Variants in ATG13 observed in about 807,000 individuals in gnomAD.
The protein encoded by ATG13 is autophagy-related protein 13.
ATG13 carries 23 observed loss-of-function variants against 65.5 expected under a neutral mutation model. The ratio of observed to expected loss-of-function variants is 0.35; its 90% confidence interval spans 0.25 to 0.50. The LOEUF is 0.50. Among genes scored for constraint, ATG13 ranks in the 20% least tolerant of loss-of-function variants. The pLI is 0.98. For synonymous variants in ATG13, 252 were observed against 245.2 expected (o/e 1.03, Z -0.26); for missense variants, 566 against 677.0 (o/e 0.84, Z 1.82).
At chr11:46,634,697 G>T (rs1041777920) in intron 2 of ATG13, among the ~76,000 whole-genome samples, 4 of 150,774 alleles carry the variant, frequency 2.7e-5, no homozygotes, top group African/African-American at 9.7e-5. Flanking sequence ...GCCCAGCCTA[G>T]TTTTTTTGTT....
Position 46,638,305 on chromosome 11 carries a change from C to T in ATG13, c.-13-5974C>T, listed in dbSNP as rs11607598. ...TACAAAAATCAGCTGGGCGAGGTGG[C>T]GCATGCCTATAATCCCAGCTACTCA... On this transcript the variant is annotated intron_variant, in intron 2 of 18. Transcript: ENST00000683050. Among the ~76,000 whole-genome samples, 491 of 152,114 alleles carry T rather than the reference C, an allele frequency of 3.2e-3. 4 individuals carry two copies. The highest frequency in any genetic ancestry group is 5.9e-3 in the Non-Finnish European group (400 of 68,002).
Position 46,654,288 on chromosome 11 carries a change from T to TATAAAG in ATG13, c.459-1942_459-1941insAAGATA, listed in dbSNP as rs1291060510. ...TCACTACTATTTTTAAAATTTTATA[T>TATAAAG]ATATATATATATATATATATATGTA... is the stretch of plus-strand genomic sequence containing the variant. On this transcript the variant is annotated intron_variant, in intron 7 of 18. Transcript: ENST00000683050. Among the ~76,000 whole-genome samples the TATAAAG allele has an allele frequency of 2.8e-5, 4 of 140,924 alleles. No homozygotes were observed. In the South Asian group the frequency reaches 8.8e-4, roughly 31 times the overall value. The allele number at this position is 140,924 out of a possible 152,430, so 92.5% of individuals were successfully genotyped here.
In ATG13 at chr11:46,657,635, A is replaced by T. The variant is rs1255317509; in HGVS notation, c.695+13A>T. 6.3e-7 allele frequency: 1 copy of T among 1,574,856 alleles called. No individual in the cohort carries two copies. Among genetic ancestry groups the T allele is most frequent in the Non-Finnish European group, 8.6e-7 (1 of 1,158,654 alleles). ...CCTGCAATTACAGGTGAGGAATGTG[A>T]AAAGGTGCTCTCCCAAACTGCAGCT... On this transcript the variant is annotated intron_variant, in intron 10 of 18. Coordinates refer to ENST00000683050, the MANE Select transcript of ATG13 (RefSeq NM_001346311.2).
intron 7 of ATG13, among the ~76,000 whole-genome samples, chr11:46,655,851 C>T (rs1273811582): frequency 4.6e-5 from 7 of 152,140 alleles, no homozygotes; most frequent in African/African-American, 2.4e-5. Flanking sequence ...GATCCTCCCA[C>T]CTCAGCCTCC....
chr11:46,667,086 C>T (rs1483473951), intron 14 of ATG13, among the ~76,000 whole-genome samples: 1 of 152,212 alleles, frequency 6.6e-6, no homozygotes, highest in African/African-American at 2.4e-5. Context: ...AAGACAGAGG[C>T]CCCTGTGTGG....
rs1406258920 is a variant in ATG13 at position 46,672,300 on chromosome 11, G to A, written c.1621G>A (p.Glu541Lys). The change falls in exon 19 of 19, where the codon GAG becomes AAG. Residue 541 changes from glutamate (E) to lysine (K), a missense_variant. Glu to Lys is a moderately conservative substitution (Grantham distance 56). Around this residue, in one of 2 missense-constraint regions of ATG13, gnomAD observed 387 missense variants for 409.8 expected, o/e 0.94. Transcript: ENST00000683050. ...KLAVHEKNVR[E>K]FDAFVETLQ ...GGCTGTGCATGAGAAGAATGTCCGC[G>A]AGTTTGATGCCTTTGTGGAAACCCT... 16 of 1,614,238 alleles carry A rather than the reference G, an allele frequency of 9.9e-6. No homozygotes were observed. Among genetic ancestry groups the A allele is most frequent in the Non-Finnish European group, 1.3e-5 (15 of 1,180,042 alleles).
intron 11 of ATG13, 133 bp from the exon 12 acceptor site, chr11:46,663,864 C>T (rs1423787074): frequency 1.6e-6 from 1 of 633,866 alleles, no homozygotes; most frequent in Admixed American, 3.1e-5. Context: ...CCCTGCTTCA[C>T]TCCTGACTCC....
At chr11:46,665,253 G>A (rs920510947) in intron 13 of ATG13, 130 bp from the exon 14 acceptor site, 1 of 1,150,418 alleles carries the variant, frequency 8.7e-7, no homozygotes, top group Non-Finnish European at 1.2e-6. Flanking sequence ...AAGATCCAGG[G>A]ATTGCTGCCT....
intron 2 of ATG13, among the ~76,000 whole-genome samples, chr11:46,641,412 T>C (rs1204635153): frequency 6.6e-6 from 1 of 152,126 alleles, no homozygotes; most frequent in African/African-American, 2.4e-5. Context: ...TGAGATAGGG[T>C]ACTATGAAGC....
At chr11:46,668,406 C>T in intron 15 of ATG13, 93 bp from the exon 16 acceptor site, 1 of 1,288,992 alleles carries the variant, frequency 7.8e-7, no homozygotes, top group South Asian at 1.2e-5. Context: ...GCTGTGTGAA[C>T]TTGCTGGACC....
chr11:46,644,487 T>C, intron 3 of ATG13, 127 bp downstream of exon 3: 1 of 752,684 alleles, frequency 1.3e-6, no homozygotes, highest in Non-Finnish European at 2.1e-6. Context: ...GGGATACTTC[T>C]GTCTGTTGTC....
At chr11:46,629,099 T>G (rs1049647128) in intron 1 of ATG13, among the ~76,000 whole-genome samples, 2 of 151,996 alleles carry the variant, frequency 1.3e-5, no homozygotes, top group African/African-American at 4.8e-5. Flanking sequence ...TGCGCCACCA[T>G]GCCTGGCTAA....
At position 46,659,447 on chromosome 11, in the gene ATG13, G is replaced by A; in HGVS notation, c.751G>A (p.Val251Met). The A allele has an allele frequency of 6.2e-7, 1 of 1,614,126 alleles. No individual in the cohort carries two copies. Among genetic ancestry groups the A allele is most frequent in the South Asian group, 1.1e-5 (1 of 91,080 alleles). Reference sequence around the variant, plus strand: ...CCCGTCTGTAGAAGACTCTCAAGAAGTGTGTACCACCTCTTTTTCCACCTC... The same window carrying A: ...CCCGTCTGTAGAAGACTCTCAAGAAATGTGTACCACCTCTTTTTCCACCTC... ...IYPSVEDSQE[V>M]CTTSFSTSPP... The change falls in exon 11 of 19, where the codon GTG becomes ATG. Residue 251 changes from valine to methionine, a missense_variant. Transcript: ENST00000683050.
At chr11:46,643,772 G>C (rs975451404) in intron 2 of ATG13, among the ~76,000 whole-genome samples, 2 of 152,066 alleles carry the variant, frequency 1.3e-5, no homozygotes, top group African/African-American at 4.8e-5. Context: ...GGCATTCATG[G>C]TGTGTTTCAT....
intron 1 of ATG13, among the ~76,000 whole-genome samples, chr11:46,618,838 GA>G (rs1360009943): frequency 6.6e-6 from 1 of 151,878 alleles, no homozygotes; most frequent in African/African-American, 2.4e-5. Flanking sequence ...TATTATTAGA[GA>G]TAAGGTATTG....
intron 12 of ATG13, 133 bp from the exon 13 acceptor site, chr11:46,664,715 GC>G: frequency 1.4e-6 from 1 of 723,332 alleles, no homozygotes; most frequent in East Asian, 2.5e-5. Flanking sequence ...ATCACGTCAG[GC>G]CCCCTGCACT....
chr11:46,630,436 G>A (rs2051274856), intron 2 of ATG13, among the ~76,000 whole-genome samples: 1 of 152,130 alleles, frequency 6.6e-6, no homozygotes, highest in Non-Finnish European at 1.5e-5. Flanking sequence ...CATGATGAGT[G>A]AGTGGACCAG....
intron 15 of ATG13, 76 bp from the exon 16 acceptor site, chr11:46,668,423 C>T (rs1470162689): frequency 6.8e-7 from 1 of 1,468,158 alleles, no homozygotes; most frequent in Admixed American, 1.7e-5. Context: ...GACCTCTAGG[C>T]TTCTGGCAAC....
intron 7 of ATG13, 35 bp downstream of exon 7, chr11:46,650,352 T>G: frequency 2.5e-6 from 4 of 1,593,998 alleles, no homozygotes; most frequent in Non-Finnish European, 3.4e-6. Context: ...GATTCACTCA[T>G]CAACCCCCTC....
Sources: gnomAD v4.1 joint callset for allele counts (sites outside exome capture counted in the v4.1 genomes callset) on GRCh38, gnomAD v4.1.1 for gene constraint, gnomAD v4.1.1 regional missense constraint, MANE v1.5 for transcripts, NCBI Gene and HGNC (gene_info 2026-07-23, HGNC 2026-07-21) for gene names.